The following PARD3 variants were observed in gnomAD, a reference collection of about 807,000 sequenced individuals.
PARD3 encodes the protein partitioning defective 3 homolog.
PARD3 carries 75 observed loss-of-function variants against 155.4 expected under a neutral mutation model. The observed-to-expected ratio is 0.48, with a 90% confidence interval of 0.40 to 0.58. The LOEUF is 0.58. PARD3 is among the 20% of genes least tolerant of loss of function. PARD3 has a pLI of 0.00. For missense variants in PARD3, 1,642 were observed against 1,721.7 expected (o/e 0.95, Z 0.82); for synonymous variants, 576 against 610.5 (o/e 0.94, Z 0.83).
At chr10:34,617,025 G>A (rs2091303504) in intron 2 of PARD3, among the ~76,000 whole-genome samples, 1 of 151,898 alleles carries the variant, frequency 6.6e-6, no homozygotes, top group South Asian at 2.1e-4. Context: ...GGAGGCCAAG[G>A]CGGGGATCTC....
At chr10:34,226,917 G>C (rs565361964) in intron 22 of PARD3, among the ~76,000 whole-genome samples, 2 of 150,626 alleles carry the variant, frequency 1.3e-5, no homozygotes, top group Admixed American at 6.6e-5. Flanking sequence ...TGAATGCTAA[G>C]TTAAATGAAC....
At chr10:34,548,935 C>T (rs1339274808) in intron 2 of PARD3, among the ~76,000 whole-genome samples, 2 of 152,238 alleles carry the variant, frequency 1.3e-5, no homozygotes, top group African/African-American at 4.8e-5. Context: ...CATTCTTAGA[C>T]CTTACATCAG....
At chr10:34,334,346 CAAAAAAA>C (rs34205005) in intron 18 of PARD3, among the ~76,000 whole-genome samples, 55 of 95,088 alleles carry the variant, frequency 5.8e-4, no homozygotes, top group East Asian at 3.1e-4. Context: ...TCCCTCTTGC[CAAAAAAA>C]AAAAAAAAAA....
intron 1 of PARD3, among the ~76,000 whole-genome samples, chr10:34,696,891 C>T (rs2094181895): frequency 6.6e-6 from 1 of 151,896 alleles, no homozygotes; most frequent in Admixed American, 6.6e-5. Flanking sequence ...CCAAGTGTTT[C>T]TTACAAATAG....
intron 3 of PARD3, among the ~76,000 whole-genome samples, chr10:34,475,922 A>T (rs1392044607): frequency 6.6e-6 from 1 of 152,298 alleles, no homozygotes; most frequent in Non-Finnish European, 1.5e-5. Flanking sequence ...TCCGTATTTC[A>T]AATGAAAACG....
chr10:34,536,700 G>T (rs907075967), intron 2 of PARD3, among the ~76,000 whole-genome samples: 1 of 152,184 alleles, frequency 6.6e-6, no homozygotes, highest in African/African-American at 2.4e-5. Context: ...CCAGTGTGAA[G>T]TCTTGAATTA....
At chr10:34,497,168 T>C (rs1423826744) in intron 3 of PARD3, among the ~76,000 whole-genome samples, 5 of 152,204 alleles carry the variant, frequency 3.3e-5, no homozygotes, top group Non-Finnish European at 7.3e-5. Flanking sequence ...TTCCTATCTG[T>C]TGGTTCCACA....
chr10:34,761,450 T>TA (rs891466093), intron 1 of PARD3, among the ~76,000 whole-genome samples: 20 of 151,918 alleles, frequency 1.3e-4, no homozygotes, highest in Non-Finnish European at 4.4e-5. Flanking sequence ...CTTTCAAACA[T>TA]AAAAAAAATT....
intron 1 of PARD3, among the ~76,000 whole-genome samples, chr10:34,812,135 CTG>C (rs1407201318): frequency 6.6e-6 from 1 of 152,210 alleles, no homozygotes; most frequent in African/African-American, 2.4e-5. Flanking sequence ...TTTGTGTAAT[CTG>C]AAGAGAAAAC....
intron 20 of PARD3, among the ~76,000 whole-genome samples, chr10:34,314,215 G>C (rs11009729): frequency 0.26 from 37,867 of 147,880 alleles, 5,816 homozygotes; most frequent in South Asian, 0.43. Flanking sequence ...AGAAGGAAAC[G>C]TAAAAGAATC....
chr10:34,367,712 T>TAC (rs754791954), intron 12 of PARD3, among the ~76,000 whole-genome samples: 14 of 151,832 alleles, frequency 9.2e-5, no homozygotes, highest in Non-Finnish European at 1.6e-4. Context: ...CACACACACA[T>TAC]ACACACACAC....
intron 2 of PARD3, among the ~76,000 whole-genome samples, chr10:34,629,454 C>T (rs982834205): frequency 1.3e-5 from 2 of 151,742 alleles, no homozygotes; most frequent in Non-Finnish European, 2.9e-5. Flanking sequence ...TGTGCATGTG[C>T]ACACACACAC....
intron 7 of PARD3, among the ~76,000 whole-genome samples, chr10:34,392,696 T>C (rs759538900): frequency 6.6e-6 from 1 of 152,192 alleles, no homozygotes; most frequent in Non-Finnish European, 1.5e-5. Flanking sequence ...TATGGTTTTT[T>C]TCAACTTCCC....
chr10:34,352,771 T>C (rs908002015), intron 14 of PARD3, among the ~76,000 whole-genome samples: 1 of 151,952 alleles, frequency 6.6e-6, no homozygotes, highest in Non-Finnish European at 1.5e-5. Flanking sequence ...CGCGACCCCA[T>C]CTGGGAAGTG....
intron 2 of PARD3, among the ~76,000 whole-genome samples, chr10:34,635,703 C>T (rs1355546175): frequency 6.6e-6 from 1 of 152,170 alleles, no homozygotes; most frequent in Admixed American, 6.5e-5. Flanking sequence ...TTCATTCAAT[C>T]TTAAAGGATG....
intron 3 of PARD3, among the ~76,000 whole-genome samples, chr10:34,492,565 C>T (rs2079990136): frequency 6.6e-6 from 1 of 152,128 alleles, no homozygotes; most frequent in South Asian, 2.1e-4. Flanking sequence ...CTTTATAGGA[C>T]CTAAATATTG....
In PARD3 at chr10:34,317,348, A is replaced by T; in HGVS notation, c.2834-10T>A. 1.3e-6 allele frequency: 2 copies of T among 1,582,410 alleles called. No homozygotes were observed. Among genetic ancestry groups the T allele is most frequent in the Non-Finnish European group, 1.7e-6 (2 of 1,169,218 alleles). The stretch of plus-strand genomic sequence containing the variant: ...TCTGTGTCTTCTTCCACTTGGAAGG[A>T]AAGAAAAAAAAATAGGGACACAGTG... On this transcript the variant is annotated splice_polypyrimidine_tract_variant and intron_variant, in intron 19 of 24. Transcript: ENST00000374788.
chr10:34,621,739 C>T (rs2091690539), intron 2 of PARD3, among the ~76,000 whole-genome samples: 1 of 152,164 alleles, frequency 6.6e-6, no homozygotes, highest in Admixed American at 6.5e-5. Flanking sequence ...CAAACTACTT[C>T]AATAAACACA....
chr10:34,240,715 C>T (rs1466076042), intron 22 of PARD3, among the ~76,000 whole-genome samples: 3 of 152,074 alleles, frequency 2.0e-5, no homozygotes, highest in Non-Finnish European at 4.4e-5. Context: ...TTCTTGGTGG[C>T]ACACCCAGGA....
Sources: gnomAD v4.1 joint callset for allele counts (sites outside exome capture counted in the v4.1 genomes callset) on GRCh38, gnomAD v4.1.1 for gene constraint, MANE v1.5 for transcripts, NCBI Gene and HGNC (gene_info 2026-07-23, HGNC 2026-07-21) for gene names.